RPS6KA5: variants seen among roughly 807,000 people sequenced by gnomAD.
RPS6KA5 encodes ribosomal protein S6 kinase alpha-5.
In RPS6KA5, 27 loss-of-function variants were observed where a neutral mutation model predicts 85.5. The observed-to-expected ratio is 0.32, with a 90% CI of 0.23 to 0.44. The LOEUF (loss-of-function observed/expected upper bound fraction) is 0.44, where lower values mean the gene tolerates loss of function less well. Ranked by LOEUF, RPS6KA5 falls within the 20% of genes least tolerant of loss-of-function variation. The pLI is 1.00. For synonymous variants in RPS6KA5, 334 were observed against 348.2 expected (o/e 0.96, Z 0.46); for missense variants, 811 against 980.9 (o/e 0.83, Z 2.31).
chr14:90,903,372 G>A (rs2035296159), intron 8 of RPS6KA5, among the ~76,000 whole-genome samples: 1 of 152,186 alleles, frequency 6.6e-6, no homozygotes, highest in Admixed American at 6.5e-5. Context: ...GTGGATATTA[G>A]CTCTAAAAGA....
chr14:91,029,302 T>C (rs2042097289), intron 1 of RPS6KA5, among the ~76,000 whole-genome samples: 1 of 152,224 alleles, frequency 6.6e-6, no homozygotes. Flanking sequence ...TACTACCTTT[T>C]AAAAAGCTTA....
intron 1 of RPS6KA5, among the ~76,000 whole-genome samples, chr14:91,032,620 G>C (rs1466073850): frequency 1.3e-5 from 2 of 152,194 alleles, no homozygotes; most frequent in African/African-American, 4.8e-5. Context: ...ATCAGAGATA[G>C]CTTCATGCTT....
At chr14:90,893,811 C>G (rs1201814694) in intron 13 of RPS6KA5, among the ~76,000 whole-genome samples, 1 of 151,876 alleles carries the variant, frequency 6.6e-6, no homozygotes, top group African/African-American at 2.4e-5. Context: ...AGGGATCATT[C>G]TAAGAGTTAG....
intron 5 of RPS6KA5, among the ~76,000 whole-genome samples, chr14:90,932,135 T>C (rs1358703762): frequency 6.6e-6 from 1 of 152,172 alleles, no homozygotes; most frequent in Admixed American, 6.5e-5. Context: ...CATTCATTCA[T>C]TCATTTGAGA....
At chr14:90,932,890 TA>T (rs1264836561) in intron 5 of RPS6KA5, among the ~76,000 whole-genome samples, 1 of 152,184 alleles carries the variant, frequency 6.6e-6, no homozygotes, top group Non-Finnish European at 1.5e-5. Flanking sequence ...TTTTGAGGAC[TA>T]TTCTAACTAG....
intron 9 of RPS6KA5, 53 bp from the exon 10 acceptor site, chr14:90,900,789 T>A: frequency 2.0e-6 from 3 of 1,489,682 alleles, no homozygotes; most frequent in Non-Finnish European, 2.7e-6. Flanking sequence ...TTTTCCAGTT[T>A]AACACAGATT....
chr14:91,060,373 C>A lies in RPS6KA5; in HGVS notation c.62G>T (p.Gly21Val), dbSNP rs749352681. 9.3e-6 allele frequency: 14 copies of A among 1,506,714 alleles called. No individual in the cohort carries two copies. The highest frequency in any genetic ancestry group is 1.2e-5 in the Non-Finnish European group (14 of 1,121,964). The allele number at this position is 1,506,714 out of a possible 1,614,324, so 93.3% of individuals were successfully genotyped here. Residue 21 changes from glycine to valine, a missense_variant, in exon 1 of 17, where the codon GGA (glycine) becomes GTA (valine). This residue lies in a region of RPS6KA5 where 113 missense variants were observed against 100.0 expected (regional missense o/e 1.13). Transcript: ENST00000614987. ...CTTGACAGTGAGGAGCTGCTCTCCT[C>A]CGTCGCCGCCGTCCGCGCTGGTCCC... ...AAGTSADGGD[G>V]GEQLLTVKHE...
chr14:90,975,139 T>C (rs1704735788), intron 3 of RPS6KA5, among the ~76,000 whole-genome samples: 1 of 152,110 alleles, frequency 6.6e-6, no homozygotes, highest in African/African-American at 2.4e-5. Flanking sequence ...ATTTTCTGTA[T>C]GCATATATAC....
chr14:90,950,478 G>C (rs2038115504), intron 3 of RPS6KA5, among the ~76,000 whole-genome samples: 1 of 152,150 alleles, frequency 6.6e-6, no homozygotes, highest in African/African-American at 2.4e-5. Context: ...TGATATTAGG[G>C]GGAAAGCATT....
intron 5 of RPS6KA5, among the ~76,000 whole-genome samples, chr14:90,933,543 G>A (rs1443179731): frequency 6.6e-6 from 1 of 152,144 alleles, no homozygotes; most frequent in Non-Finnish European, 1.5e-5. Context: ...GTCTAGGCCA[G>A]TTCCATCTCT....
At chr14:91,010,438 C>T (rs1164047289) in intron 1 of RPS6KA5, among the ~76,000 whole-genome samples, 1 of 152,142 alleles carries the variant, frequency 6.6e-6, no homozygotes, top group Non-Finnish European at 1.5e-5. Context: ...TTTCATAGAG[C>T]CATAATATCC....
intron 3 of RPS6KA5, among the ~76,000 whole-genome samples, chr14:90,959,115 T>C (rs1325302597): frequency 1.3e-5 from 2 of 151,650 alleles, no homozygotes; most frequent in South Asian, 2.1e-4. Context: ...GGAGAAGCAG[T>C]AGGAGAGTCG....
At chr14:91,014,950 C>T (rs1206334719) in intron 1 of RPS6KA5, among the ~76,000 whole-genome samples, 1 of 152,112 alleles carries the variant, frequency 6.6e-6, no homozygotes, top group East Asian at 1.9e-4. Context: ...CCAAGGAACA[C>T]TAATTTGTTG....
chr14:90,935,625 A>C (rs549636961), intron 5 of RPS6KA5, among the ~76,000 whole-genome samples: 12 of 152,328 alleles, frequency 7.9e-5, no homozygotes, highest in Non-Finnish European at 8.8e-5. Flanking sequence ...GAATTAATCA[A>C]TAAATAACAT....
intron 3 of RPS6KA5, among the ~76,000 whole-genome samples, chr14:90,977,237 T>G (rs1472039438): frequency 6.6e-6 from 1 of 152,218 alleles, no homozygotes; most frequent in Non-Finnish European, 1.5e-5. Flanking sequence ...ATCCTTACCA[T>G]AATTCTAGGA....
intron 1 of RPS6KA5, among the ~76,000 whole-genome samples, chr14:91,024,563 G>A (rs1430376396): frequency 1.3e-5 from 2 of 152,102 alleles, no homozygotes; most frequent in African/African-American, 4.8e-5. Flanking sequence ...GAATGATAGA[G>A]AAAAACTAGT....
At chr14:91,009,984 A>C (rs2041188224) in intron 1 of RPS6KA5, among the ~76,000 whole-genome samples, 1 of 152,136 alleles carries the variant, frequency 6.6e-6, no homozygotes, top group African/African-American at 2.4e-5. Flanking sequence ...TGCAGCAAGA[A>C]GGTGGAAGTG....
At chr14:91,060,177 C>A in intron 1 of RPS6KA5, 155 bp downstream of exon 1, 1 of 974,482 alleles carries the variant, frequency 1.0e-6, no homozygotes, top group Non-Finnish European at 1.2e-6. Context: ...TCCCGGGACC[C>A]CCGGGGCACG....
At chr14:91,038,831 G>A (rs2042496561) in intron 1 of RPS6KA5, among the ~76,000 whole-genome samples, 1 of 152,112 alleles carries the variant, frequency 6.6e-6, no homozygotes, top group Admixed American at 6.5e-5. Context: ...TTCCAGTTTA[G>A]CCCAGTTGAC....
Sources: allele counts gnomAD v4.1 joint callset (sites outside exome capture counted in the v4.1 genomes callset), GRCh38; gene constraint gnomAD v4.1.1; regional missense constraint gnomAD v4.1.1; transcripts MANE v1.5; gene names NCBI Gene and HGNC (gene_info 2026-07-23, HGNC 2026-07-21).